The following EZR variants were observed in gnomAD, a reference collection of about 807,000 sequenced individuals.
The protein encoded by EZR is ezrin.
Under a neutral mutation model 74.8 loss-of-function variants are expected in EZR, and 40 were observed. That is an observed-to-expected ratio of 0.53 (90% CI 0.42 to 0.70). The LOEUF (loss-of-function observed/expected upper bound fraction) is 0.70. Ranked by LOEUF, EZR falls within the 30% of genes least tolerant of loss-of-function variation. The probability of loss-of-function intolerance (pLI) is 0.00; values close to 1 mark genes in which losing one functional copy is unlikely to be tolerated. For synonymous variants in EZR, 341 were observed against 283.3 expected, an observed-to-expected ratio of 1.20 and a Z score of -2.05; for missense variants, 678 against 755.8, an observed-to-expected ratio of 0.90 and a Z score of 1.21.
intron 2 of EZR, among the ~76,000 whole-genome samples, chr6:158,814,735 G>T (rs1777518447): frequency 6.6e-6 from 1 of 151,914 alleles, no homozygotes; most frequent in Admixed American, 6.6e-5. Context: ...TAGAGATGGG[G>T]TTTCACCATG....
chr6:158,777,914 A>T (rs574348522), intron 7 of EZR, among the ~76,000 whole-genome samples: 3 of 36,212 alleles, frequency 8.3e-5, no homozygotes, highest in East Asian at 8.2e-4. Context: ...AATCCCCATT[A>T]AAAAAAAACA....
chr6:158,785,862 G>A (rs1457820728), intron 4 of EZR, among the ~76,000 whole-genome samples: 4 of 151,972 alleles, frequency 2.6e-5, no homozygotes, highest in Admixed American at 2.0e-4. Flanking sequence ...CCTGGGCAAC[G>A]TAGAAGAGAT....
intron 2 of EZR, among the ~76,000 whole-genome samples, chr6:158,796,735 G>A (rs1270580403): frequency 4.6e-5 from 7 of 152,224 alleles, no homozygotes; most frequent in Non-Finnish European, 1.0e-4. Flanking sequence ...AAAGGCTGTT[G>A]CCTGTCTGCC....
In EZR at chr6:158,767,362, A is replaced by G; in HGVS notation, c.1495T>C (p.Tyr499His). Residue 499 changes from tyrosine (Y) to histidine (H), a missense_variant, in exon 13 of 14, where the codon TAC (tyrosine) becomes CAC (histidine). This residue lies in a region of EZR where 342 missense variants were observed against 341.2 expected (regional missense o/e 1.00). Coordinates refer to ENST00000367075, the MANE Select transcript of EZR (RefSeq NM_001111077.2). ...CCCTCACTAGACAGCTCCGCGCTGT[A>G]GCCCGTGGGCTCTGCGCCCTCATCC... ...LQDEGAEPTGYSAELSSEGIR... is the reference protein window; with the variant it reads ...LQDEGAEPTGHSAELSSEGIR... 1 of 1,613,812 alleles carries G rather than the reference A, an allele frequency of 6.2e-7. No individual in the cohort carries two copies. The highest frequency in any genetic ancestry group is 8.5e-7 in the Non-Finnish European group (1 of 1,179,968).
chr6:158,769,710 G>A (rs2128564618), intron 11 of EZR, 74 bp downstream of exon 11: 7 of 1,556,668 alleles, frequency 4.5e-6, no homozygotes, highest in South Asian at 4.5e-5. Flanking sequence ...TTATTACAAG[G>A]CAGGTGTCAC....
chr6:158,773,328 G>A (rs577947711), intron 8 of EZR, among the ~76,000 whole-genome samples: 1 of 152,306 alleles, frequency 6.6e-6, no homozygotes, highest in East Asian at 1.9e-4. Flanking sequence ...AGTGGGTGAG[G>A]GAGGATGGTG....
At chr6:158,786,007 C>T (rs1791571029) in intron 4 of EZR, among the ~76,000 whole-genome samples, 3 of 151,850 alleles carry the variant, frequency 2.0e-5, no homozygotes, top group South Asian at 4.2e-4. Context: ...GCTATGATGG[C>T]GCCACTGCAC....
rs111347226 is a variant in EZR, at chr6:158,803,658, T to C, written c.13-14287A>G. On this transcript the variant is annotated intron_variant, in intron 2 of 13. Transcript: ENST00000367075. ...ATACATATATATATATATATACATA[T>C]ATATATATAAAATATACAGAGAGAG... 2.5e-5 allele frequency among the ~76,000 whole-genome samples: 2 copies of C among 79,052 alleles called. 1 individual carries two copies. Among genetic ancestry groups the C allele is most frequent in the Non-Finnish European group, 6.0e-5 (2 of 33,402 alleles). 51.9% of individuals were successfully genotyped at this position (79,052 alleles called of 152,430 possible).
intron 2 of EZR, among the ~76,000 whole-genome samples, chr6:158,802,135 G>A (rs1777199433): frequency 1.3e-5 from 2 of 152,172 alleles, no homozygotes; most frequent in African/African-American, 4.8e-5. Context: ...TTCTTGCCAG[G>A]TGTAAAGGGC....
At position 158,785,471 on chromosome 6, in the gene EZR, A is replaced by G; in HGVS notation, c.305T>C (p.Phe102Ser). The change falls in exon 5 of 14, where the codon TTC (phenylalanine) becomes TCC (serine). Residue 102 changes from phenylalanine (F) to serine (S), a missense_variant. Coordinates refer to ENST00000367075, the MANE Select transcript of EZR (RefSeq NM_001111077.2). ...GATTCCTTCCTTCACTTGGAGGAAG[A>G]AAAGTTTCTGGGTGATGTCCTGGAT... ...ELIQDITQKLFFLQVKEGILS... is the reference protein window; with the variant it reads ...ELIQDITQKLSFLQVKEGILS... 6.2e-7 allele frequency: 1 copy of G among 1,614,224 alleles called. No homozygotes were observed. Among genetic ancestry groups the G allele is most frequent in the Non-Finnish European group, 8.5e-7 (1 of 1,180,036 alleles).
Position 158,767,322 on chromosome 6 carries a change from C to A in EZR, c.1535G>T (p.Arg512Leu). ...CTCAGTGATGCGCTTCTCCTCATTG[C>A]GGTCATCCCGGATGCCCTCACTAGA... ...ELSSEGIRDD[R>L]NEEKRITEAE... Residue 512 changes from arginine to leucine, a missense_variant, in exon 13 of 14, where the codon CGC (arginine) becomes CTC (leucine). By Grantham distance (102) the Arg-to-Leu change is moderately radical. Transcript: ENST00000367075. The A allele has an allele frequency of 6.2e-7, 1 of 1,614,128 alleles. No individual in the cohort carries two copies. The highest frequency in any genetic ancestry group is 8.5e-7 in the Non-Finnish European group (1 of 1,180,008).
At chr6:158,817,425 A>G (rs2128578474) in intron 2 of EZR, among the ~76,000 whole-genome samples, 1 of 152,320 alleles carries the variant, frequency 6.6e-6, no homozygotes, top group South Asian at 2.1e-4. Context: ...GCTGACCAGG[A>G]GTGCTCGGCC....
In EZR at chr6:158,767,035, C is replaced by G; in HGVS notation, c.1640G>C (p.Arg547Thr). ...ELSQARDENK[R>T]THNDIIHNEN... ...GTTGTGGATGATGTCATTGTGGGTCCTCTTATTCTCATCTCGGGCCTGGGA... is the reference window on the plus strand; with the variant it reads ...GTTGTGGATGATGTCATTGTGGGTCGTCTTATTCTCATCTCGGGCCTGGGA... Residue 547 changes from arginine (R) to threonine (T), a missense_variant, in exon 14 of 14, where the codon AGG becomes ACG. Arg to Thr is a moderately conservative substitution (Grantham distance 71). Transcript: ENST00000367075. The G allele has an allele frequency of 6.2e-7, 1 of 1,614,184 alleles. No homozygotes were observed. Among genetic ancestry groups the G allele is most frequent in the Non-Finnish European group, 8.5e-7 (1 of 1,180,020 alleles).
rs1025856599 is a variant in EZR at position 158,766,181 on chromosome 6, CAA to C, written c.*731_*732del. 18 of 151,958 alleles carry C rather than the reference CAA, an allele frequency of 1.2e-4. No homozygotes were observed. Among genetic ancestry groups the C allele is most frequent in the Admixed American group, 1.1e-3 (17 of 15,142 alleles). The allele number at this position is 151,958 out of a possible 1,614,324, so 9.4% of individuals were successfully genotyped here. A position where few individuals can be genotyped will look rare whatever the true frequency, so the allele number is the denominator to read the frequency against. On this transcript the variant is annotated 3_prime_UTR_variant, in exon 14 of 14. Coordinates refer to ENST00000367075, the MANE Select transcript of EZR (RefSeq NM_001111077.2). ...GTAAAAGGTAACAAAATATACAGAA[CAA>C]AACTTTCCCTTTTTAAAACTAATGT...
At chr6:158,794,080 C>T (rs187890836) in intron 2 of EZR, among the ~76,000 whole-genome samples, 3 of 152,268 alleles carry the variant, frequency 2.0e-5, no homozygotes, top group Non-Finnish European at 4.4e-5. Flanking sequence ...CGTTCGAGAC[C>T]GGCCTGGCCA....
intron 8 of EZR, 130 bp from the exon 9 acceptor site, chr6:158,771,537 G>A (rs2128566415): frequency 2.0e-6 from 2 of 1,011,816 alleles, no homozygotes; most frequent in South Asian, 1.7e-5. Flanking sequence ...GCAGCATCTC[G>A]GCACTAGGAA....
intron 4 of EZR, 144 bp from the exon 5 acceptor site, chr6:158,785,727 T>C (rs901362960): frequency 6.5e-6 from 7 of 1,081,108 alleles, no homozygotes; most frequent in African/African-American, 4.8e-5. Context: ...TTTTTAGCAC[T>C]CCAGACAAAA....
At position 158,766,159 on chromosome 6, in the gene EZR, AAAGGT is replaced by A. The variant is rs1217150868; in HGVS notation, c.*750_*754del. On this transcript the variant is annotated 3_prime_UTR_variant, in exon 14 of 14. Transcript: ENST00000367075. ...TCATATGTAATTCTTTTATTCTGTA[AAAGGT>A]AACAAAATATACAGAACAAAACTTT... The A allele has an allele frequency of 1.3e-5, 2 of 152,666 alleles. No individual in the cohort carries two copies. The highest frequency in any genetic ancestry group is 4.8e-5 in the African/African-American group (2 of 41,456). 9.5% of individuals were successfully genotyped at this position (152,666 alleles called of 1,614,324 possible).
intron 2 of EZR, among the ~76,000 whole-genome samples, chr6:158,790,184 G>GA (rs759205367): frequency 7.6e-4 from 115 of 152,180 alleles, no homozygotes; most frequent in Non-Finnish European, 1.4e-3. Context: ...GAAAATAGTA[G>GA]AAACTGGGCA....
Sources: allele counts gnomAD v4.1 joint callset (sites outside exome capture counted in the v4.1 genomes callset), GRCh38; gene constraint gnomAD v4.1.1; regional missense constraint gnomAD v4.1.1; transcripts MANE v1.5; gene names NCBI Gene and HGNC (gene_info 2026-07-23, HGNC 2026-07-21).